TMEM232: variants seen among roughly 807,000 people sequenced by gnomAD.
TMEM232 encodes transmembrane protein 232.
A neutral mutation model predicts 78.8 loss-of-function variants in TMEM232; 80 were observed. The observed-to-expected ratio is 1.01, with a 90% CI of 0.85 to 1.22. TMEM232 has a LOEUF of 1.22. Ranked by LOEUF, TMEM232 falls within the 50% of genes most tolerant of loss-of-function variation. The pLI, the probability that TMEM232 is intolerant of heterozygous loss-of-function variation, is 0.00. For missense variants in TMEM232, 881 were observed against 742.2 expected (o/e 1.19, Z -2.17); for synonymous variants, 297 against 254.3 (o/e 1.17, Z -1.60).
intron 2 of TMEM232, among the ~76,000 whole-genome samples, chr5:110,407,333 A>C (rs1436363272): frequency 6.6e-6 from 1 of 152,156 alleles, no homozygotes; most frequent in Non-Finnish European, 1.5e-5. Flanking sequence ...AAGGATCAGA[A>C]AAAGATATTC....
chr5:110,697,403 C>T (rs1399538518), intron 1 of TMEM232, among the ~76,000 whole-genome samples: 2 of 152,138 alleles, frequency 1.3e-5, no homozygotes, highest in Non-Finnish European at 2.9e-5. Context: ...GACTTCATGT[C>T]TAAAACACCA....
At chr5:110,550,950 A>AT (rs113468591) in intron 11 of TMEM232, among the ~76,000 whole-genome samples, 181 of 145,206 alleles carry the variant, frequency 1.2e-3, no homozygotes, top group East Asian at 4.4e-3. Context: ...AAATCCAGCC[A>AT]TTTTTTTTTT....
At chr5:110,583,415 T>C (rs1037948371) in intron 10 of TMEM232, among the ~76,000 whole-genome samples, 22 of 151,936 alleles carry the variant, frequency 1.4e-4, no homozygotes, top group African/African-American at 4.6e-4. Context: ...CTTCAACAAA[T>C]GGTGTTGGGG....
intron 12 of TMEM232, among the ~76,000 whole-genome samples, chr5:110,466,951 G>GAA (rs890230481): frequency 6.6e-6 from 1 of 151,802 alleles, no homozygotes; most frequent in Non-Finnish European, 1.5e-5. Context: ...CCAAAAAATA[G>GAA]ATCTGGAAGG....
chr5:110,556,358 C>CCCTT (rs1491050353), intron 11 of TMEM232, among the ~76,000 whole-genome samples: 7 of 135,558 alleles, frequency 5.2e-5, no homozygotes, highest in Non-Finnish European at 6.3e-5. Flanking sequence ...CCCTTCCCTT[C>CCCTT]CCCTTCCTTC....
chr5:110,488,198 T>C (rs890709244), intron 12 of TMEM232, among the ~76,000 whole-genome samples: 16 of 152,248 alleles, frequency 1.1e-4, no homozygotes, highest in Admixed American at 5.2e-4. Context: ...TCCGTTTTAA[T>C]ATCTCCTGTT....
intron 1 of TMEM232, among the ~76,000 whole-genome samples, chr5:110,670,489 A>C (rs1038133129): frequency 1.3e-5 from 2 of 152,238 alleles, no homozygotes; most frequent in South Asian, 2.1e-4. Flanking sequence ...AAGAGGACAC[A>C]AACAAATGGA....
chr5:110,560,268 A>G (rs1775589142), intron 11 of TMEM232, among the ~76,000 whole-genome samples: 1 of 152,156 alleles, frequency 6.6e-6, no homozygotes, highest in South Asian at 2.1e-4. Flanking sequence ...ACTAGATTGG[A>G]CCATATAAAT....
chr5:110,637,236 C>A (rs57790601), intron 5 of TMEM232, among the ~76,000 whole-genome samples: 2,819 of 151,324 alleles, frequency 0.019, 103 homozygotes, highest in African/African-American at 0.065. Context: ...GCTCACCATC[C>A]CAAAACAGTT....
intron 10 of TMEM232, among the ~76,000 whole-genome samples, chr5:110,582,248 T>C: frequency 6.6e-6 from 1 of 151,890 alleles, no homozygotes; most frequent in East Asian, 1.9e-4. Context: ...AGCAAAGACA[T>C]GGAATCAACC....
chr5:110,557,541 T>C (rs1318561211), intron 11 of TMEM232, among the ~76,000 whole-genome samples: 3 of 152,172 alleles, frequency 2.0e-5, no homozygotes, highest in African/African-American at 7.2e-5. Flanking sequence ...AAGCAGCCTA[T>C]ACAGGAAGCA....
At chr5:110,404,958 A>C (rs568727979) in intron 2 of TMEM232, among the ~76,000 whole-genome samples, 3 of 152,106 alleles carry the variant, frequency 2.0e-5, no homozygotes, top group African/African-American at 7.2e-5. Flanking sequence ...CAAGCAAAAA[A>C]CAAATTTTTC....
chr5:110,409,633 A>G (rs1448442749), intron 2 of TMEM232, among the ~76,000 whole-genome samples: 1 of 152,154 alleles, frequency 6.6e-6, no homozygotes, highest in African/African-American at 2.4e-5. Flanking sequence ...GAAAGCCCTT[A>G]GAGATAACTT....
At chr5:110,699,379 T>C (rs988884414) in intron 1 of TMEM232, among the ~76,000 whole-genome samples, 6 of 152,086 alleles carry the variant, frequency 3.9e-5, no homozygotes, top group African/African-American at 1.2e-4. Context: ...AGACACCAGC[T>C]GGATTTATGA....
chr5:110,483,617 G>T (rs1171941551), intron 12 of TMEM232, among the ~76,000 whole-genome samples: 1 of 151,822 alleles, frequency 6.6e-6, no homozygotes, highest in South Asian at 2.1e-4. Context: ...GGGAAGGGGG[G>T]AGGGATAGCA....
chr5:110,635,550 G>T (rs1785691589), intron 5 of TMEM232, among the ~76,000 whole-genome samples: 1 of 151,814 alleles, frequency 6.6e-6, no homozygotes, highest in Non-Finnish European at 1.5e-5. Flanking sequence ...CAATAAACAT[G>T]ATAAATCACA....
chr5:110,572,219 G>C (rs1777032956), intron 10 of TMEM232, among the ~76,000 whole-genome samples: 1 of 151,656 alleles, frequency 6.6e-6, no homozygotes. Flanking sequence ...GGAAAATGTG[G>C]CATGGGAAGG....
chr5:110,615,898 A>G (rs1782863738), intron 8 of TMEM232, among the ~76,000 whole-genome samples: 1 of 151,932 alleles, frequency 6.6e-6, no homozygotes, highest in Non-Finnish European at 1.5e-5. Context: ...CTCATTTACA[A>G]TAGCAAAAAA....
intron 5 of TMEM232, among the ~76,000 whole-genome samples, chr5:110,629,587 G>C (rs992573867): frequency 6.6e-6 from 1 of 151,782 alleles, no homozygotes; most frequent in African/African-American, 2.4e-5. Flanking sequence ...CTCTTTCTCA[G>C]CTCTCCCACA....
Sources: allele counts gnomAD v4.1 joint callset (sites outside exome capture counted in the v4.1 genomes callset), GRCh38; gene constraint gnomAD v4.1.1; transcripts MANE v1.5; gene names NCBI Gene and HGNC (gene_info 2026-07-23, HGNC 2026-07-21).